SDK1: variants seen among roughly 807,000 people sequenced by gnomAD.
SDK1 encodes protein sidekick-1.
A neutral mutation model predicts 245.5 loss-of-function variants in SDK1; 157 were observed. The ratio of observed to expected loss-of-function variants is 0.64; its 90% CI spans 0.56 to 0.73. The LOEUF (loss-of-function observed/expected upper bound fraction) is 0.73. Ranked by LOEUF, SDK1 falls within the 30% of genes least tolerant of loss-of-function variation. The probability of loss-of-function intolerance (pLI) is 0.00; values close to 1 mark genes in which losing one functional copy is unlikely to be tolerated. For synonymous variants in SDK1, 1,647 were observed against 1,278.5 expected (o/e 1.29, Z -6.15); for missense variants, 3,583 against 3,002.3 (o/e 1.19, Z -4.52).
intron 5 of SDK1, among the ~76,000 whole-genome samples, chr7:3,880,440 C>T (rs1007015001): frequency 2.0e-5 from 3 of 151,896 alleles, no homozygotes; most frequent in Non-Finnish European, 2.9e-5. Flanking sequence ...AGCAGGAGCC[C>T]GGCCCGCGGC....
At chr7:3,769,029 G>T (rs186060101) in intron 4 of SDK1, among the ~76,000 whole-genome samples, 69 of 152,188 alleles carry the variant, frequency 4.5e-4, no homozygotes, top group African/African-American at 1.5e-3. Flanking sequence ...ACGTTCTCTT[G>T]GTGCCCTAAA....
chr7:4,009,505 G>A (rs545738246), intron 14 of SDK1, among the ~76,000 whole-genome samples: 3 of 152,274 alleles, frequency 2.0e-5, no homozygotes, highest in South Asian at 2.1e-4. Flanking sequence ...CTGGGAATGC[G>A]CACATTTTGT....
intron 1 of SDK1, among the ~76,000 whole-genome samples, chr7:3,352,525 ATAGACCAGC>A (rs1255258377): frequency 1.2e-4 from 18 of 152,246 alleles, no homozygotes; most frequent in Admixed American, 3.3e-4. Flanking sequence ...TTAGAGGCTG[ATAGACCAGC>A]TGTGCCTGTA....
intron 1 of SDK1, among the ~76,000 whole-genome samples, chr7:3,376,945 A>C (rs1314596991): frequency 6.6e-6 from 1 of 151,614 alleles, no homozygotes; most frequent in Admixed American, 6.6e-5. Flanking sequence ...CATTGTACTC[A>C]TACCTTTTAA....
At chr7:4,230,507 G>T (rs577826396) in intron 40 of SDK1, among the ~76,000 whole-genome samples, 3 of 150,472 alleles carry the variant, frequency 2.0e-5, no homozygotes, top group Non-Finnish European at 4.4e-5. Context: ...AGGAAAGAAG[G>T]TTGGTTACAT....
intron 1 of SDK1, among the ~76,000 whole-genome samples, chr7:3,361,933 T>C (rs1172319823): frequency 6.6e-6 from 1 of 152,202 alleles, no homozygotes; most frequent in African/African-American, 2.4e-5. Context: ...AAGAGCAGAT[T>C]ACATTTTCAG....
intron 34 of SDK1, 62 bp from the exon 35 acceptor site, chr7:4,178,423 A>G (rs1217849022): frequency 1.3e-5 from 16 of 1,228,432 alleles, no homozygotes; most frequent in Non-Finnish European, 1.7e-5. Context: ...CATAGGGGGA[A>G]CTTTGGAGAA....
Position 3,974,385 on chromosome 7 carries a change from G to C in SDK1, c.1834G>C (p.Asp612His), listed in dbSNP as rs1449002446. The C allele has an allele frequency of 6.2e-7, 1 of 1,612,908 alleles. No homozygotes were observed. Among genetic ancestry groups the C allele is most frequent in the Non-Finnish European group, 8.5e-7 (1 of 1,179,172 alleles). The change falls in exon 13 of 45, where the codon GAC (aspartate) becomes CAC (histidine). Residue 612 changes from aspartate to histidine, a missense_variant. Transcript: ENST00000404826. ...RVSLRYVWKK[D>H]NVALTPSSTS... ...GGCCCACAGCTACGTTTGGAAGAAG[G>C]ACAACGTGGCCCTGACTCCATCGAG...
intron 5 of SDK1, among the ~76,000 whole-genome samples, chr7:3,943,645 G>A (rs968456282): frequency 3.3e-5 from 5 of 151,756 alleles, no homozygotes; most frequent in Admixed American, 6.6e-5. Context: ...TGGAAGGGGC[G>A]TTTTCCATTC....
chr7:4,154,262 G>A (rs1415813350), intron 30 of SDK1, among the ~76,000 whole-genome samples: 1 of 152,206 alleles, frequency 6.6e-6, no homozygotes, highest in Non-Finnish European at 1.5e-5. Context: ...GTACAAACTG[G>A]CTTTCTAAAT....
intron 1 of SDK1, among the ~76,000 whole-genome samples, chr7:3,349,195 A>AC (rs1554260479): frequency 5.9e-5 from 9 of 151,314 alleles, no homozygotes; most frequent in Non-Finnish European, 1.0e-4. Flanking sequence ...GTTTAAAAAA[A>AC]AACAACAAAA....
chr7:4,001,525 G>A (rs1583789805), intron 14 of SDK1, among the ~76,000 whole-genome samples: 1 of 152,290 alleles, frequency 6.6e-6, no homozygotes, highest in Middle Eastern at 3.4e-3. Flanking sequence ...AGCCTGTTGT[G>A]GGATCATTTG....
At chr7:3,579,056 C>A (rs538911149) in intron 1 of SDK1, among the ~76,000 whole-genome samples, 17 of 151,850 alleles carry the variant, frequency 1.1e-4, no homozygotes, top group Non-Finnish European at 5.9e-5. Flanking sequence ...TCCAGCTGGT[C>A]CCTCCATTTG....
chr7:3,981,136 T>C (rs1336271770), intron 13 of SDK1, among the ~76,000 whole-genome samples: 1 of 152,160 alleles, frequency 6.6e-6, no homozygotes, highest in African/African-American at 2.4e-5. Flanking sequence ...TCTGGTCACA[T>C]TTTGGGAATT....
At chr7:3,787,530 G>A (rs1386838406) in intron 4 of SDK1, among the ~76,000 whole-genome samples, 1 of 151,576 alleles carries the variant, frequency 6.6e-6, no homozygotes, top group Non-Finnish European at 1.5e-5. Flanking sequence ...AAAACTAATG[G>A]CATTGGTTAA....
chr7:3,517,210 A>G (rs1782781752), intron 1 of SDK1, among the ~76,000 whole-genome samples: 2 of 152,196 alleles, frequency 1.3e-5, no homozygotes, highest in South Asian at 4.1e-4. Context: ...TATTAGGTTT[A>G]TAAGAGTGCC....
chr7:3,381,178 C>T (rs926410339), intron 1 of SDK1, among the ~76,000 whole-genome samples: 1 of 151,998 alleles, frequency 6.6e-6, no homozygotes, highest in Non-Finnish European at 1.5e-5. Flanking sequence ...GTTGAAGAGA[C>T]TGGCAGAAGA....
chr7:3,611,965 G>T (rs1781608123), intron 1 of SDK1, among the ~76,000 whole-genome samples: 1 of 152,150 alleles, frequency 6.6e-6, no homozygotes, highest in Admixed American at 6.5e-5. Flanking sequence ...GCTGGAACTG[G>T]AGACCATTAT....
chr7:3,433,194 T>C (rs1042075647), intron 1 of SDK1, among the ~76,000 whole-genome samples: 6 of 152,202 alleles, frequency 3.9e-5, no homozygotes, highest in African/African-American at 1.2e-4. Flanking sequence ...TCAGAGAATA[T>C]GCCTGGCTTC....
Sources: gnomAD v4.1 joint callset for allele counts (sites outside exome capture counted in the v4.1 genomes callset) on GRCh38, gnomAD v4.1.1 for gene constraint, MANE v1.5 for transcripts, NCBI Gene and HGNC (gene_info 2026-07-23, HGNC 2026-07-21) for gene names.